Variants in WDR4 observed in about 807,000 individuals in gnomAD.
The protein encoded by WDR4 is tRNA (guanine-N(7)-)-methyltransferase non-catalytic subunit WDR4.
Under a neutral mutation model 48.6 loss-of-function variants are expected in WDR4, and 47 were observed. That is an observed-to-expected ratio of 0.97 (90% CI 0.77 to 1.23). WDR4 has a LOEUF of 1.23. Ranked by LOEUF, WDR4 falls within the 50% of genes most tolerant of loss-of-function variation. The pLI, the probability that WDR4 is intolerant of heterozygous loss-of-function variation, is 0.00. For missense variants in WDR4, 606 were observed against 551.6 expected, an observed-to-expected ratio of 1.10 and a Z score of -0.99; for synonymous variants, 268 against 230.0, an observed-to-expected ratio of 1.17 and a Z score of -1.49.
chr21:42,849,072 GCGCA>G (rs1351667634), downstream of WDR4, among the ~76,000 whole-genome samples: 1 of 100,674 alleles, frequency 9.9e-6, no homozygotes, highest in Non-Finnish European at 1.9e-5. Context: ...CACACACACA[GCGCA>G]CGATCACACC....
intron 9 of WDR4, among the ~76,000 whole-genome samples, chr21:42,852,943 T>C (rs991048105): frequency 6.7e-6 from 1 of 148,520 alleles, no homozygotes; most frequent in Non-Finnish European, 1.5e-5. Context: ...GCTTCCAAAG[T>C]GCTCAACTGA....
chr21:42,872,143 C>T (rs564545429), intron 3 of WDR4, among the ~76,000 whole-genome samples: 1 of 152,202 alleles, frequency 6.6e-6, no homozygotes, highest in East Asian at 1.9e-4. Context: ...CACCACCATG[C>T]CCAGCTAATT....
At chr21:42,872,110 G>A (rs573371270) in intron 3 of WDR4, among the ~76,000 whole-genome samples, 1 of 151,892 alleles carries the variant, frequency 6.6e-6, no homozygotes, top group African/African-American at 2.4e-5. Flanking sequence ...TCAGCCTCCC[G>A]AGTAGCTGGA....
intron 6 of WDR4, among the ~76,000 whole-genome samples, chr21:42,859,274 AAAG>A (rs1341203918): frequency 6.6e-6 from 1 of 152,014 alleles, no homozygotes; most frequent in African/African-American, 2.4e-5. Flanking sequence ...GAAAAAAAGG[AAAG>A]AAAAGGAAAA....
At chr21:42,854,929 G>A (rs2057947053) in intron 7 of WDR4, among the ~76,000 whole-genome samples, 1 of 152,092 alleles carries the variant, frequency 6.6e-6, no homozygotes, top group Non-Finnish European at 1.5e-5. Flanking sequence ...CAGGGGAAAG[G>A]AAGAGATGAG....
chr21:42,869,095 G>A (rs756314391), intron 3 of WDR4, among the ~76,000 whole-genome samples: 137 of 152,178 alleles, frequency 9.0e-4, no homozygotes, highest in Non-Finnish European at 1.7e-3. Context: ...GAGAGGAGGA[G>A]GAGGGCCTGG....
At chr21:42,888,579 T>C in the WDR4 span, among the ~76,000 whole-genome samples, 3 of 150,476 alleles carry the variant, frequency 2.0e-5, no homozygotes, top group Admixed American at 1.3e-4. Flanking sequence ...AATAAATCAA[T>C]AAATATCATA....
the WDR4 span, among the ~76,000 whole-genome samples, chr21:42,888,861 C>T: frequency 1.2e-4 from 18 of 151,534 alleles, no homozygotes; most frequent in Non-Finnish European, 2.4e-4. Flanking sequence ...CCACCACACC[C>T]AGCTAATTTT....
At chr21:42,885,138 T>C in the WDR4 span, among the ~76,000 whole-genome samples, 2 of 152,170 alleles carry the variant, frequency 1.3e-5, no homozygotes, top group African/African-American at 4.8e-5. Flanking sequence ...ACTGTCAAAT[T>C]GTCTCTCCAT....
Position 42,859,795 on chromosome 21 carries a change from G to A in WDR4, c.567-73C>T, listed in dbSNP as rs563990220. ...AGGGACCGGGAGGCCTGGGGAGGCC[G>A]CCTGTTCATCTAAGGAAGAGAAGCC... On this transcript the variant is annotated intron_variant, in intron 5 of 10. Transcript: ENST00000398208. 6.2e-4 allele frequency: 903 copies of A among 1,450,786 alleles called. 15 individuals carry two copies. The South Asian group carries it at 0.01, about 16-fold the overall frequency. 89.9% of individuals were successfully genotyped at this position (1,450,786 alleles called of 1,614,324 possible). A position where few individuals can be genotyped will look rare whatever the true frequency, so the allele number is the denominator to read the frequency against.
chr21:42,880,396 G>A (rs1198403296), upstream of WDR4, among the ~76,000 whole-genome samples: 1 of 152,188 alleles, frequency 6.6e-6, no homozygotes, highest in Middle Eastern at 3.4e-3. Flanking sequence ...TGGCTTGTCC[G>A]GTGCAGCTCC....
chr21:42,853,013 C>T (rs940755719), intron 9 of WDR4, among the ~76,000 whole-genome samples: 3 of 152,098 alleles, frequency 2.0e-5, no homozygotes, highest in African/African-American at 7.2e-5. Flanking sequence ...AGACGCAGGG[C>T]GGGCAGGGGC....
rs1001065264 is a variant in WDR4 at position 42,849,788 on chromosome 21, G to T, written c.*261C>A. On this transcript the variant is annotated 3_prime_UTR_variant, in exon 11 of 11. Transcript: ENST00000398208. ...CACCACCGGCTCACACGCAGCCTCC[G>T]ACATGAAAAGAAAGTGCTTCAAGAG... 4.7e-6 allele frequency: 2 copies of T among 421,410 alleles called. No individual in the cohort carries two copies. The allele number at this position is 421,410 out of a possible 1,614,324, so 26.1% of individuals were successfully genotyped here.
At chr21:42,859,576 C>CAGGGGCCAGCGATCCAA in intron 6 of WDR4, 86 bp downstream of exon 6, 1 of 1,383,212 alleles carries the variant, frequency 7.2e-7, no homozygotes, top group Non-Finnish European at 1.0e-6. Context: ...CAGCGATCCA[C>CAGGGGCCAGCGATCCAA]AGGGGCCAGG....
chr21:42,855,235 G>A (rs1053915508), intron 7 of WDR4, among the ~76,000 whole-genome samples: 2 of 152,218 alleles, frequency 1.3e-5, no homozygotes, highest in African/African-American at 4.8e-5. Flanking sequence ...CTGCCTGGCA[G>A]GGGGCAGAGG....
chr21:42,845,060 C>A (rs538035491), downstream of WDR4, among the ~76,000 whole-genome samples: 1 of 152,184 alleles, frequency 6.6e-6, no homozygotes, highest in Admixed American at 6.5e-5. Flanking sequence ...GCACTGGGCA[C>A]GGAGAGGCAA....
At chr21:42,868,679 G>A (rs2058304368) in intron 3 of WDR4, among the ~76,000 whole-genome samples, 1 of 152,272 alleles carries the variant, frequency 6.6e-6, no homozygotes, top group African/African-American at 2.4e-5. Context: ...ACGTGATTTA[G>A]GGCAGGGGCC....
chr21:42,868,175 G>A (rs1601160618), intron 3 of WDR4, among the ~76,000 whole-genome samples: 1 of 152,246 alleles, frequency 6.6e-6, no homozygotes, highest in East Asian at 1.9e-4. Context: ...CCGTCCCTCT[G>A]GAGGAGTCAG....
chr21:42,891,559 C>T, the WDR4 span, among the ~76,000 whole-genome samples: 3 of 152,012 alleles, frequency 2.0e-5, no homozygotes, highest in Non-Finnish European at 4.4e-5. Context: ...AATTCCAGAT[C>T]AGGATCCCCA....
Sources: allele counts gnomAD v4.1 joint callset (sites outside exome capture counted in the v4.1 genomes callset), GRCh38; gene constraint gnomAD v4.1.1; transcripts MANE v1.5; gene names NCBI Gene and HGNC (gene_info 2026-07-23, HGNC 2026-07-21).